Variants in SPAG16 observed in about 807,000 individuals in gnomAD.
SPAG16 encodes sperm associated antigen 16, also known as sperm-associated antigen 16 protein.
Under a neutral mutation model 80.4 loss-of-function variants are expected in SPAG16, and 86 were observed. That is an observed-to-expected ratio of 1.07 (90% CI 0.90 to 1.28). The LOEUF is 1.28. Among genes scored for constraint, SPAG16 ranks in the 50% most tolerant of loss-of-function variants. SPAG16 has a pLI of 0.00. For missense variants in SPAG16, 870 were observed against 765.3 expected (o/e 1.14, Z -1.61); for synonymous variants, 294 against 265.9 (o/e 1.11, Z -1.03).
At chr2:214,060,791 C>A (rs2050222274) in intron 13 of SPAG16, among the ~76,000 whole-genome samples, 1 of 152,062 alleles carries the variant, frequency 6.6e-6, no homozygotes, top group African/African-American at 2.4e-5. Flanking sequence ...ACAAATAAAT[C>A]TCAAGTACCT....
At chr2:214,156,351 T>C (rs1476073996) in intron 15 of SPAG16, among the ~76,000 whole-genome samples, 4 of 152,208 alleles carry the variant, frequency 2.6e-5, no homozygotes, top group African/African-American at 9.6e-5. Flanking sequence ...AATGAGATTG[T>C]TATTCTTGCT....
At chr2:214,319,742 T>A (rs140143236) in intron 15 of SPAG16, among the ~76,000 whole-genome samples, 3 of 152,298 alleles carry the variant, frequency 2.0e-5, no homozygotes, top group Non-Finnish European at 2.9e-5. Context: ...CCCCAGAATA[T>A]CTCATACAAT....
chr2:213,333,403 A>G (rs1160447757), intron 5 of SPAG16, among the ~76,000 whole-genome samples: 1 of 152,106 alleles, frequency 6.6e-6, no homozygotes, highest in African/African-American at 2.4e-5. Flanking sequence ...CTAAGAATCA[A>G]TATTGTTAAA....
chr2:213,724,635 G>A (rs188569142), intron 10 of SPAG16, among the ~76,000 whole-genome samples: 86 of 151,840 alleles, frequency 5.7e-4, no homozygotes, highest in Non-Finnish European at 1.1e-3. Context: ...AAAATTAGCC[G>A]GGTGTGGTGG....
At chr2:213,353,105 A>T (rs968732970) in intron 7 of SPAG16, among the ~76,000 whole-genome samples, 3 of 152,136 alleles carry the variant, frequency 2.0e-5, no homozygotes, top group Non-Finnish European at 2.9e-5. Context: ...GTGTACTGTG[A>T]CTTGTTTGAT....
intron 9 of SPAG16, among the ~76,000 whole-genome samples, chr2:213,487,929 A>C (rs1424407147): frequency 6.6e-6 from 1 of 152,130 alleles, no homozygotes; most frequent in Non-Finnish European, 1.5e-5. Context: ...TAAATATGCA[A>C]TTCAGAAAAA....
intron 10 of SPAG16, among the ~76,000 whole-genome samples, chr2:213,651,472 G>A (rs1459874037): frequency 6.6e-6 from 1 of 152,182 alleles, no homozygotes; most frequent in Non-Finnish European, 1.5e-5. Flanking sequence ...TCTCCCAAGA[G>A]TTTGGGAAGC....
At position 213,833,577 on chromosome 2, in the gene SPAG16, AAT is replaced by A. The variant is rs374569127; in HGVS notation, c.1071-28899_1071-28898del. ...TATATAATATATATAATATATATATAATATATATATTATATATATATAAAATC... is the reference window on the plus strand; with the variant it reads ...TATATAATATATATAATATATATATAATATATATTATATATATATAAAATC... On this transcript the variant is annotated intron_variant, in intron 10 of 15. Transcript: ENST00000331683. Among the ~76,000 whole-genome samples, 7 of 6,568 alleles carry A rather than the reference AAT, an allele frequency of 1.1e-3. 1 individual carries two copies. The highest frequency in any genetic ancestry group is 8.9e-3 in the Admixed American group (2 of 224). 4.3% of individuals were successfully genotyped at this position (6,568 alleles called of 152,430 possible). A position where few individuals can be genotyped will look rare whatever the true frequency, so the allele number is the denominator to read the frequency against.
intron 13 of SPAG16, among the ~76,000 whole-genome samples, chr2:214,035,126 G>A (rs935621853): frequency 6.6e-6 from 1 of 152,092 alleles, no homozygotes; most frequent in Non-Finnish European, 1.5e-5. Flanking sequence ...GAGACCGTGG[G>A]GTAGGTAGCT....
chr2:213,384,059 G>T (rs2067306424), intron 9 of SPAG16, among the ~76,000 whole-genome samples: 1 of 152,118 alleles, frequency 6.6e-6, no homozygotes. Context: ...GCTGTTACTT[G>T]GTTGAGTTTG....
At chr2:214,384,139 A>C (rs2126113807) in intron 15 of SPAG16, among the ~76,000 whole-genome samples, 1 of 152,360 alleles carries the variant, frequency 6.6e-6, no homozygotes, top group Non-Finnish European at 1.5e-5. Context: ...TATACCTATT[A>C]AAACACTTAA....
chr2:213,727,914 T>C (rs998642692), intron 10 of SPAG16, among the ~76,000 whole-genome samples: 6 of 152,118 alleles, frequency 3.9e-5, no homozygotes, highest in Admixed American at 2.6e-4. Context: ...AATGGCGTGA[T>C]CTCAGCTCAC....
chr2:213,826,438 G>A (rs1441094842), intron 10 of SPAG16, among the ~76,000 whole-genome samples: 1 of 151,730 alleles, frequency 6.6e-6, no homozygotes, highest in Non-Finnish European at 1.5e-5. Flanking sequence ...GGTAAGTTTA[G>A]TTTCAATTAT....
intron 9 of SPAG16, among the ~76,000 whole-genome samples, chr2:213,425,561 G>A (rs962503460): frequency 2.0e-5 from 3 of 151,216 alleles, no homozygotes; most frequent in East Asian, 3.9e-4. Context: ...CTGAGGCAGG[G>A]GAATTGCTTG....
intron 9 of SPAG16, among the ~76,000 whole-genome samples, chr2:213,469,104 T>A (rs1258953505): frequency 6.6e-6 from 1 of 152,136 alleles, no homozygotes; most frequent in Non-Finnish European, 1.5e-5. Flanking sequence ...ATCAATACTT[T>A]GCATCCCTCA....
At position 214,315,035 on chromosome 2, in the gene SPAG16, C is replaced by A. The variant is rs79295463; in HGVS notation, c.1721-95105C>A. On this transcript the variant is annotated intron_variant, in intron 15 of 15. Coordinates refer to ENST00000331683, the MANE Select transcript of SPAG16 (RefSeq NM_024532.5). The stretch of plus-strand genomic sequence containing the variant: ...AATTGCACGGATGAATGCTTCTGAG[C>A]CCATCACATCCTAGTCACAATTCCT... Among the ~76,000 whole-genome samples the A allele has an allele frequency of 2.5e-3, 376 of 151,894 alleles. 2 individuals are homozygous for A. The highest frequency in any genetic ancestry group is 8.7e-3 in the African/African-American group (361 of 41,418).
chr2:214,012,668 A>T (rs1476519540), intron 12 of SPAG16, among the ~76,000 whole-genome samples: 2 of 152,000 alleles, frequency 1.3e-5, no homozygotes, highest in African/African-American at 4.8e-5. Context: ...AGTTATCCTG[A>T]TTCTATTTGT....
rs374274176 is a variant in SPAG16 at position 213,980,725 on chromosome 2, T to TATATATATAGAG, written c.1401-33225_1401-33224insTATATATAGAGA. ...GTGTGTGTGTGTGTATATATATATA[T>TATATATATAGAG]AGAGAGAGAGAGAGAGAGAGAGAGA... On this transcript the variant is annotated intron_variant, in intron 12 of 15. Transcript: ENST00000331683. 1.4e-3 allele frequency among the ~76,000 whole-genome samples: 150 copies of TATATATATAGAG among 103,976 alleles called. 3 individuals carry two copies. Among genetic ancestry groups the TATATATATAGAG allele is most frequent in the Admixed American group, 7.3e-3 (68 of 9,294 alleles). 68.2% of individuals were successfully genotyped at this position (103,976 alleles called of 152,430 possible). A position where few individuals can be genotyped will look rare whatever the true frequency, so the allele number is the denominator to read the frequency against.
At chr2:213,440,961 C>A (rs1277382996) in intron 9 of SPAG16, among the ~76,000 whole-genome samples, 3 of 152,114 alleles carry the variant, frequency 2.0e-5, no homozygotes, top group East Asian at 3.8e-4. Context: ...AAAAGTTAAG[C>A]CCCAGCATAG....
Sources: gnomAD v4.1 joint callset for allele counts (sites outside exome capture counted in the v4.1 genomes callset) on GRCh38, gnomAD v4.1.1 for gene constraint, MANE v1.5 for transcripts, NCBI Gene and HGNC (gene_info 2026-07-23, HGNC 2026-07-21) for gene names.